Variants in TRIM5 observed in about 807,000 individuals in gnomAD.
The protein encoded by TRIM5 is tripartite motif-containing protein 5.
Under a neutral mutation model 35.6 loss-of-function variants are expected in TRIM5, and 31 were observed. The observed-to-expected ratio is 0.87, with a 90% confidence interval of 0.65 to 1.18. The LOEUF is 1.18. Among genes scored for constraint, TRIM5 ranks in the 50% most tolerant of loss-of-function variants. The pLI is 0.00. For missense variants in TRIM5, 609 were observed against 591.6 expected (o/e 1.03, Z -0.31); for synonymous variants, 243 against 215.6 (o/e 1.13, Z -1.11).
chr11:5,651,111 G>C, the TRIM5 span, among the ~76,000 whole-genome samples: 1 of 152,148 alleles, frequency 6.6e-6, no homozygotes, highest in South Asian at 2.1e-4. Context: ...AATCCAAAGA[G>C]GGTCACTAGG....
chr11:5,668,249 T>C (rs2134038956), intron 4 of TRIM5, among the ~76,000 whole-genome samples: 1 of 152,248 alleles, frequency 6.6e-6, no homozygotes, highest in African/African-American at 2.4e-5. Context: ...CACTCCAGTC[T>C]GGGTTTCAGA....
At chr11:5,634,492 T>TACACACAC in the TRIM5 span, 845 of 227,994 alleles carry the variant, frequency 3.7e-3, 2 homozygotes, top group East Asian at 7.0e-3. Flanking sequence ...ATAATATAAA[T>TACACACAC]ACACACACAC....
intron 5 of TRIM5, 96 bp downstream of exon 5, chr11:5,667,593 G>T: frequency 2.3e-6 from 3 of 1,325,236 alleles, no homozygotes; most frequent in Non-Finnish European, 2.1e-6. Flanking sequence ...TTCTGCCCTG[G>T]GAGATGTTTT....
the TRIM5 span, chr11:5,595,438 T>G: frequency 6.6e-6 from 1 of 152,238 alleles, no homozygotes; most frequent in African/African-American, 2.4e-5. Flanking sequence ...ACGTGTAATT[T>G]TAAACTGATG....
the TRIM5 span, among the ~76,000 whole-genome samples, chr11:5,615,918 A>C: frequency 1.4e-5 from 2 of 140,432 alleles, no homozygotes; most frequent in African/African-American, 5.3e-5. Flanking sequence ...TATTGTTTTC[A>C]TAACATATCT....
the TRIM5 span, among the ~76,000 whole-genome samples, chr11:5,601,305 C>T: frequency 6.6e-6 from 1 of 152,210 alleles, no homozygotes; most frequent in Non-Finnish European, 1.5e-5. Flanking sequence ...AATTCTACAA[C>T]TTACAAGGTG....
chr11:5,620,943 T>C, the TRIM5 span, among the ~76,000 whole-genome samples: 1 of 152,232 alleles, frequency 6.6e-6, no homozygotes, highest in Admixed American at 6.5e-5. Context: ...GCTTCTAAAC[T>C]AGTAAAGCAG....
rs1196612416 is a variant in TRIM5 at position 5,663,264 on chromosome 11, ATAAT to A, written c.*1541_*1544del. ...AAAAACTACATCAGCTAATTTTATT[ATAAT>A]TATTTTTTACAATTAATAAACTGAT... is the stretch of plus-strand genomic sequence containing the variant. On this transcript the variant is annotated 3_prime_UTR_variant, in exon 8 of 8. Transcript: ENST00000380034. 3 of 951,536 alleles carry A rather than the reference ATAAT, an allele frequency of 3.2e-6. No homozygotes were observed. The highest frequency in any genetic ancestry group is 2.3e-4 in the East Asian group (2 of 8,632). 58.9% of individuals were successfully genotyped at this position (951,536 alleles called of 1,614,324 possible). A position where few individuals can be genotyped will look rare whatever the true frequency, so the allele number is the denominator to read the frequency against.
the TRIM5 span, chr11:5,634,870 G>T: frequency 1.9e-6 from 3 of 1,609,176 alleles, no homozygotes; most frequent in African/African-American, 1.3e-5. Context: ...AGGTAAGAAG[G>T]TTCGCTCAAT....
chr11:5,620,064 C>G, the TRIM5 span: 1 of 150,082 alleles, frequency 6.7e-6, no homozygotes, highest in Non-Finnish European at 1.5e-5. Flanking sequence ...TTACCTGTCT[C>G]TACATTTTGG....
the TRIM5 span, among the ~76,000 whole-genome samples, chr11:5,618,498 C>A: frequency 6.6e-6 from 1 of 152,140 alleles, no homozygotes; most frequent in African/African-American, 2.4e-5. Flanking sequence ...AACTTGGGGT[C>A]TAGCTTACGT....
chr11:5,602,052 G>A, the TRIM5 span, among the ~76,000 whole-genome samples: 2 of 152,118 alleles, frequency 1.3e-5, no homozygotes, highest in African/African-American at 2.4e-5. Flanking sequence ...GCTAGCTGCC[G>A]AAGATACAAC....
At chr11:5,628,199 C>G in the TRIM5 span, among the ~76,000 whole-genome samples, 176 of 152,342 alleles carry the variant, frequency 1.2e-3, 3 homozygotes, top group South Asian at 0.035. Context: ...TCACTGTGAA[C>G]ATGAAGTCAC....
At chr11:5,648,350 C>CA in the TRIM5 span, among the ~76,000 whole-genome samples, 13 of 151,934 alleles carry the variant, frequency 8.6e-5, no homozygotes, top group African/African-American at 3.1e-4. Flanking sequence ...ACTAAAAATA[C>CA]AAAAAATTAG....
At chr11:5,654,213 T>A in the TRIM5 span, among the ~76,000 whole-genome samples, 1 of 152,170 alleles carries the variant, frequency 6.6e-6, no homozygotes, top group Non-Finnish European at 1.5e-5. Context: ...GGAGGTATCA[T>A]GTTTTCTTGC....
chr11:5,620,909 T>G, the TRIM5 span, among the ~76,000 whole-genome samples: 8 of 152,348 alleles, frequency 5.3e-5, no homozygotes, highest in African/African-American at 1.9e-4. Flanking sequence ...TTTTGGCATT[T>G]TTGTTGCCAA....
chr11:5,601,925 G>T, the TRIM5 span, among the ~76,000 whole-genome samples: 1 of 152,154 alleles, frequency 6.6e-6, no homozygotes, highest in Admixed American at 6.5e-5. Context: ...TGATGCAAAG[G>T]TGATGGCAGA....
the TRIM5 span, among the ~76,000 whole-genome samples, chr11:5,635,616 G>A: frequency 1.4e-4 from 21 of 152,088 alleles, no homozygotes; most frequent in African/African-American, 5.1e-4. Flanking sequence ...GGAGAAAGAT[G>A]GACAAATATA....
At chr11:5,659,988 T>G (rs1322957098), downstream of TRIM5, among the ~76,000 whole-genome samples, 1 of 152,150 alleles carries the variant, frequency 6.6e-6, no homozygotes, top group East Asian at 1.9e-4. Context: ...ATCATTCTTT[T>G]TTTTTTGAAA....
Sources: gnomAD v4.1 joint callset for allele counts (sites outside exome capture counted in the v4.1 genomes callset) on GRCh38, gnomAD v4.1.1 for gene constraint, MANE v1.5 for transcripts, NCBI Gene and HGNC (gene_info 2026-07-23, HGNC 2026-07-21) for gene names.